Variants in NCKAP1 observed in about 807,000 individuals in gnomAD.
The protein encoded by NCKAP1 is NCK associated protein 1.
In NCKAP1, 21 loss-of-function variants were observed where a neutral mutation model predicts 151.2. The ratio of observed to expected loss-of-function variants is 0.14; its 90% confidence interval spans 0.10 to 0.20. The LOEUF is 0.20. NCKAP1 is among the 10% of genes least tolerant of loss of function. The pLI, the probability that NCKAP1 is intolerant of heterozygous loss-of-function variation, is 1.00. For missense variants in NCKAP1, 933 were observed against 1,352.1 expected (o/e 0.69, Z 4.86); for synonymous variants, 484 against 451.8 (o/e 1.07, Z -0.90).
intron 2 of NCKAP1, among the ~76,000 whole-genome samples, chr2:183,021,060 A>C (rs1311809004): frequency 6.6e-6 from 1 of 152,244 alleles, no homozygotes; most frequent in Non-Finnish European, 1.5e-5. Context: ...GTAAGTCATA[A>C]CATTCAACAA....
rs5836857 is a variant in NCKAP1 at position 182,910,948 on chromosome 2, G to GCCCCCCCC, written c.*14753_*14754insGGGGGGGG. 2 of 117,816 alleles carry GCCCCCCCC rather than the reference G, an allele frequency of 1.7e-5. No individual in the cohort carries two copies. Among genetic ancestry groups the GCCCCCCCC allele is most frequent in the East Asian group, 3.4e-4 (1 of 2,952 alleles). The allele number at this position is 117,816 out of a possible 1,614,324, so 7.3% of individuals were successfully genotyped here. On this transcript the variant is annotated 3_prime_UTR_variant, in exon 31 of 31. Coordinates refer to ENST00000361354, the MANE Select transcript of NCKAP1 (RefSeq NM_013436.5). Reference sequence around the variant, plus strand: ...CTTGGAAATAAAAATAAAATCCTAAGCTCCCCCCCCACATTTGACTAAACA... The same window carrying GCCCCCCCC: ...CTTGGAAATAAAAATAAAATCCTAAGCCCCCCCCCTCCCCCCCCACATTTGACTAAACA...
chr2:183,037,824 C>T (rs1234119299), intron 1 of NCKAP1, among the ~76,000 whole-genome samples, 168 bp downstream of exon 1: 1 of 152,002 alleles, frequency 6.6e-6, no homozygotes, highest in Non-Finnish European at 1.5e-5. Context: ...GCCCGGGACT[C>T]CGCATTAGGC....
intron 2 of NCKAP1, among the ~76,000 whole-genome samples, chr2:183,015,724 T>C (rs1311069576): frequency 6.6e-6 from 1 of 151,634 alleles, no homozygotes; most frequent in African/African-American, 2.4e-5. Flanking sequence ...ACCAAGCACT[T>C]AGGCCTTTAT....
chr2:183,022,464 T>C (rs965859403), intron 2 of NCKAP1, among the ~76,000 whole-genome samples: 7 of 152,312 alleles, frequency 4.6e-5, no homozygotes, highest in Middle Eastern at 3.4e-3. Flanking sequence ...GAACTAATTA[T>C]AATGCTTTAA....
At chr2:183,002,850 A>G in intron 4 of NCKAP1, 124 bp downstream of exon 4, 2 of 634,180 alleles carry the variant, frequency 3.2e-6, no homozygotes. Context: ...CTATAAAACA[A>G]GCCAAATTAA....
intron 15 of NCKAP1, among the ~76,000 whole-genome samples, chr2:182,970,411 G>C (rs2105841855): frequency 6.6e-6 from 1 of 152,166 alleles, no homozygotes; most frequent in South Asian, 2.1e-4. Context: ...AACAGATCAT[G>C]ATCCAGTTAG....
chr2:182,925,652 T>C lies in NCKAP1; in HGVS notation c.*50A>G. The C allele has an allele frequency of 8.9e-7, 1 of 1,120,822 alleles. No homozygotes were observed. The highest frequency in any genetic ancestry group is 1.3e-6 in the Non-Finnish European group (1 of 784,090). 69.4% of individuals were successfully genotyped at this position (1,120,822 alleles called of 1,614,324 possible). A position where few individuals can be genotyped will look rare whatever the true frequency, so the allele number is the denominator to read the frequency against. On this transcript the variant is annotated 3_prime_UTR_variant, in exon 31 of 31. Transcript: ENST00000361354. ...GTAAAATAGTTCCACAGTCTACAGG[T>C]AAAACCAAGGCAACAAAAATGCGTG...
rs76746306 is a variant in NCKAP1 at position 182,953,908 on chromosome 2, A to G, written c.2154-577T>C. Among the ~76,000 whole-genome samples, 1,087 of 152,366 alleles carry G rather than the reference A, an allele frequency of 7.1e-3. 7 individuals are homozygous for G. Among genetic ancestry groups the G allele is most frequent in the Non-Finnish European group, 0.012 (850 of 68,030 alleles). Reference sequence around the variant, plus strand: ...GTGATTTAAGTATAAAGAGGGTTTTACAAATTGCTTTAACATGGTAAGTTG... The same window carrying G: ...GTGATTTAAGTATAAAGAGGGTTTTGCAAATTGCTTTAACATGGTAAGTTG... On this transcript the variant is annotated intron_variant, in intron 20 of 30. Coordinates refer to ENST00000361354, the MANE Select transcript of NCKAP1 (RefSeq NM_013436.5).
chr2:183,027,981 C>T (rs1698929967), intron 1 of NCKAP1, among the ~76,000 whole-genome samples: 1 of 152,010 alleles, frequency 6.6e-6, no homozygotes, highest in Non-Finnish European at 1.5e-5. Flanking sequence ...AAACTAAATA[C>T]ACAATTAAAC....
chr2:183,006,068 A>C (rs941343502), intron 2 of NCKAP1, among the ~76,000 whole-genome samples: 1 of 152,244 alleles, frequency 6.6e-6, no homozygotes, highest in African/African-American at 2.4e-5. Flanking sequence ...TAATTTCCCC[A>C]GTCCATATCA....
At chr2:183,009,375 G>A (rs1201621345) in intron 2 of NCKAP1, among the ~76,000 whole-genome samples, 1 of 146,244 alleles carries the variant, frequency 6.8e-6, no homozygotes, top group Non-Finnish European at 1.5e-5. Flanking sequence ...GGGAAGGGAG[G>A]GGAGGAGGAA....
chr2:182,952,515 ATACT>A lies in NCKAP1; in HGVS notation c.2504-17_2504-14del, dbSNP rs1469753427. 1 of 1,549,442 alleles carries A rather than the reference ATACT, an allele frequency of 6.5e-7. No individual in the cohort carries two copies. Among genetic ancestry groups the A allele is most frequent in the African/African-American group, 1.4e-5 (1 of 72,872 alleles). On this transcript the variant is annotated splice_polypyrimidine_tract_variant and intron_variant, in intron 22 of 30. Coordinates refer to ENST00000361354, the MANE Select transcript of NCKAP1 (RefSeq NM_013436.5). ...AATGACCTCATTTCTGAAAGAAAACATACTTAATTTTATACTTCCGACAGAGCAA... is the reference window on the plus strand; with the variant it reads ...AATGACCTCATTTCTGAAAGAAAACATAATTTTATACTTCCGACAGAGCAA...
chr2:182,971,174 C>A (rs998565809), intron 15 of NCKAP1, among the ~76,000 whole-genome samples: 3 of 151,728 alleles, frequency 2.0e-5, no homozygotes, highest in Admixed American at 1.3e-4. Context: ...GCGGGCGGAT[C>A]ACGAGGTCAG....
At chr2:182,997,730 G>C (rs2368353) in intron 6 of NCKAP1, among the ~76,000 whole-genome samples, 151,553 of 152,328 alleles carry the variant, frequency 0.99, 75,402 homozygotes, top group Middle Eastern at 1. Flanking sequence ...GAAAAAGCCA[G>C]AGGCCACATA....
chr2:182,960,739 A>G (rs1360232029), intron 18 of NCKAP1, among the ~76,000 whole-genome samples: 1 of 152,236 alleles, frequency 6.6e-6, no homozygotes, highest in Non-Finnish European at 1.5e-5. Flanking sequence ...AATGGGATCT[A>G]ATTAAACTAA....
chr2:183,012,179 A>G (rs113906933), intron 2 of NCKAP1, among the ~76,000 whole-genome samples: 1 of 152,222 alleles, frequency 6.6e-6, no homozygotes, highest in African/African-American at 2.4e-5. Flanking sequence ...CCAACTGGCA[A>G]TAACATGAAA....
At position 182,925,182 on chromosome 2, in the gene NCKAP1, T is replaced by C. The variant is rs1203675122; in HGVS notation, c.*520A>G. ...TAAGCAGTTCTTTAACATTTTTAAA[T>C]GTTATACAGTGTTACAGTATTTAGT... On this transcript the variant is annotated 3_prime_UTR_variant, in exon 31 of 31. Coordinates refer to ENST00000361354, the MANE Select transcript of NCKAP1 (RefSeq NM_013436.5). The C allele has an allele frequency of 6.6e-6, 1 of 152,162 alleles. No homozygotes were observed. The highest frequency in any genetic ancestry group is 1.9e-4 in the East Asian group (1 of 5,204). The allele number at this position is 152,162 out of a possible 1,614,324, so 9.4% of individuals were successfully genotyped here. A position where few individuals can be genotyped will look rare whatever the true frequency, so the allele number is the denominator to read the frequency against.
chr2:182,944,580 G>A (rs921004103), intron 23 of NCKAP1, among the ~76,000 whole-genome samples: 2 of 152,028 alleles, frequency 1.3e-5, no homozygotes, highest in South Asian at 2.1e-4. Context: ...ATAAGTACAC[G>A]TACATAGTGT....
intron 10 of NCKAP1, among the ~76,000 whole-genome samples, chr2:182,984,030 CAAA>C (rs778537830): frequency 8.7e-6 from 1 of 115,536 alleles, no homozygotes; most frequent in Non-Finnish European, 1.8e-5. Flanking sequence ...GACTCCACCT[CAAA>C]AAAAAAAAAA....
Sources: gnomAD v4.1 joint callset for allele counts (sites outside exome capture counted in the v4.1 genomes callset) on GRCh38, gnomAD v4.1.1 for gene constraint, MANE v1.5 for transcripts, NCBI Gene and HGNC (gene_info 2026-07-23, HGNC 2026-07-21) for gene names.